The following PHIP variants were observed in gnomAD, a reference collection of about 807,000 sequenced individuals.
PHIP encodes the protein PH-interacting protein.
PHIP carries 54 observed loss-of-function variants against 236.8 expected under a neutral mutation model. That is an observed-to-expected ratio of 0.23 (90% CI 0.18 to 0.29). The LOEUF (loss-of-function observed/expected upper bound fraction) is 0.29, where lower values mean the gene tolerates loss of function less well. PHIP is among the 10% of genes least tolerant of loss of function. PHIP has a pLI of 1.00. For missense variants in PHIP, 1,370 were observed against 2,190.8 expected (o/e 0.63, Z 7.48); for synonymous variants, 756 against 718.9 (o/e 1.05, Z -0.83).
chr6:78,999,768 G>T (rs1364168254), intron 17 of PHIP, among the ~76,000 whole-genome samples: 1 of 151,852 alleles, frequency 6.6e-6, no homozygotes, highest in Non-Finnish European at 1.5e-5. Context: ...AAAGGAAAAA[G>T]AAATTACATG....
chr6:79,003,608 A>G (rs1023271498), intron 16 of PHIP, 122 bp downstream of exon 16: 41 of 643,576 alleles, frequency 6.4e-5, no homozygotes, highest in Non-Finnish European at 9.8e-5. Context: ...TACTTAACAC[A>G]AGATTCTTCG....
At chr6:78,945,813 T>C (rs1328135224) in intron 38 of PHIP, 188 bp downstream of exon 38, 3 of 614,204 alleles carry the variant, frequency 4.9e-6, no homozygotes, top group Non-Finnish European at 8.6e-6. Flanking sequence ...CATTAGTCTA[T>C]AATGACCTAA....
Position 79,003,868 on chromosome 6 carries a change from A to G in PHIP, c.1525-10T>C. 6.4e-7 allele frequency: 1 copy of G among 1,563,098 alleles called. No homozygotes were observed. Among genetic ancestry groups the G allele is most frequent in the Non-Finnish European group, 8.7e-7 (1 of 1,154,660 alleles). On this transcript the variant is annotated splice_polypyrimidine_tract_variant and intron_variant, in intron 15 of 39. Coordinates refer to ENST00000275034, the MANE Select transcript of PHIP (RefSeq NM_017934.7). ...GTCCTTGGCCTTCAATCTGAAATAT[A>G]TTTAACCAACAGTAAGAAAACTACC...
chr6:78,947,710 C>T lies in PHIP; in HGVS notation c.4119G>A (p.Gly1373=). Reference sequence around the variant, plus strand: ...ATAACTCCATTGGTGACTCATAATTCCCAGCCTCTAAAGTTTCTCTAACGG... The same window carrying T: ...ATAACTCCATTGGTGACTCATAATTTCCAGCCTCTAAAGTTTCTCTAACGG... ...FATVRETLEA[G]NYESPMELCK... The change falls in exon 36 of 40, where the codon GGG becomes GGA. Residue 1373 remains glycine, a synonymous_variant. Coordinates refer to ENST00000275034, the MANE Select transcript of PHIP (RefSeq NM_017934.7). The T allele has an allele frequency of 6.3e-7, 1 of 1,590,080 alleles. No homozygotes were observed.
intron 9 of PHIP, among the ~76,000 whole-genome samples, chr6:79,019,724 C>G (rs1036955025): frequency 1.3e-5 from 2 of 152,094 alleles, no homozygotes; most frequent in Non-Finnish European, 2.9e-5. Context: ...CTTACGTCAA[C>G]TACAATGAAT....
intron 4 of PHIP, among the ~76,000 whole-genome samples, chr6:79,066,162 G>A (rs1420366635): frequency 3.3e-5 from 5 of 151,918 alleles, no homozygotes; most frequent in Admixed American, 6.6e-5. Flanking sequence ...TCTGATATAC[G>A]AGTTACTTTC....
intron 6 of PHIP, among the ~76,000 whole-genome samples, chr6:79,054,110 C>A (rs1772942282): frequency 6.7e-6 from 1 of 148,236 alleles, no homozygotes. Context: ...AACATTATTT[C>A]CCTAAAAAAA....
chr6:79,045,120 C>T (rs1772413144), intron 6 of PHIP, among the ~76,000 whole-genome samples: 1 of 152,130 alleles, frequency 6.6e-6, no homozygotes, highest in African/African-American at 2.4e-5. Context: ...TATACTATGA[C>T]TATATTCTGA....
intron 4 of PHIP, among the ~76,000 whole-genome samples, chr6:79,066,891 T>C (rs1332682283): frequency 1.3e-5 from 2 of 152,010 alleles, no homozygotes; most frequent in African/African-American, 2.4e-5. Context: ...CCTGGTTTTG[T>C]TTTTGTTTGT....
chr6:79,069,526 T>A (rs1773787802), intron 4 of PHIP, among the ~76,000 whole-genome samples: 1 of 152,090 alleles, frequency 6.6e-6, no homozygotes, highest in Non-Finnish European at 1.5e-5. Context: ...GGCAGCAGTT[T>A]GTCTGAGGGC....
intron 4 of PHIP, 46 bp from the exon 5 acceptor site, chr6:79,060,864 A>C (rs1773334908): frequency 7.7e-7 from 1 of 1,302,032 alleles, no homozygotes; most frequent in Admixed American, 2.5e-5. Flanking sequence ...TTATCATTTT[A>C]ATTTTCAAAA....
intron 31 of PHIP, 147 bp from the exon 32 acceptor site, chr6:78,958,747 C>G (rs1766583445): frequency 1.6e-6 from 1 of 618,404 alleles, no homozygotes; most frequent in Non-Finnish European, 2.9e-6. Context: ...TTCAAAGCAG[C>G]ATAACTGCAT....
chr6:78,998,766 A>G (rs566591824), intron 17 of PHIP, among the ~76,000 whole-genome samples: 4 of 152,282 alleles, frequency 2.6e-5, no homozygotes, highest in Admixed American at 1.3e-4. Context: ...CACTTAGATC[A>G]TGGTTTCTTT....
At position 78,957,222 on chromosome 6, in the gene PHIP, T is replaced by C. The variant is rs1203391056; in HGVS notation, c.3782+1253A>G. The C allele has an allele frequency of 2.6e-5, 4 of 152,000 alleles. No homozygotes were observed. In the East Asian group the frequency reaches 7.7e-4, roughly 29 times the overall value. The allele number at this position is 152,000 out of a possible 1,614,324, so 9.4% of individuals were successfully genotyped here. On this transcript the variant is annotated intron_variant, in intron 32 of 39. Coordinates refer to ENST00000275034, the MANE Select transcript of PHIP (RefSeq NM_017934.7). ...ACAATTTTCATCTAAATTATTTCAC[T>C]GAAATATGAATATACTATCTCATGT...
intron 24 of PHIP, among the ~76,000 whole-genome samples, chr6:78,975,519 GC>G (rs1179215910): frequency 6.6e-6 from 1 of 152,140 alleles, no homozygotes; most frequent in East Asian, 1.9e-4. Flanking sequence ...GGAAGTTCTG[GC>G]CAGGGCAATT....
chr6:79,033,936 A>G (rs1771795084), intron 7 of PHIP, among the ~76,000 whole-genome samples: 1 of 152,154 alleles, frequency 6.6e-6, no homozygotes, highest in Non-Finnish European at 1.5e-5. Context: ...GGCAGGCCCA[A>G]GGAGAGAAAA....
At position 78,955,654 on chromosome 6, in the gene PHIP, G is replaced by C. The variant is rs373292877; in HGVS notation, c.3811C>G (p.Leu1271Val). The change falls in exon 33 of 40, where the codon CTT becomes GTT. Residue 1271 changes from leucine to valine, a missense_variant. By Grantham distance (32) the Leu-to-Val change is conservative (BLOSUM62 1). Transcript: ENST00000275034. ...KDQTCYNIIP[L>V]YNSMKKKVLS... is the part of the protein sequence containing the mutation. ...ACTTTCTTCTTCATTGAATTATAAA[G>C]TGGAATTATGTTATAACAAGTCTGA... 45 of 1,088,442 alleles carry C rather than the reference G, an allele frequency of 4.1e-5. No homozygotes were observed. The Middle Eastern group carries it at 1.8e-3, about 44-fold the overall frequency. The allele number at this position is 1,088,442 out of a possible 1,614,324, so 67.4% of individuals were successfully genotyped here. A position where few individuals can be genotyped will look rare whatever the true frequency, so the allele number is the denominator to read the frequency against.
At position 79,052,333 on chromosome 6, in the gene PHIP, T is replaced by C. The variant is rs116371090; in HGVS notation, c.439+8145A>G. Among the ~76,000 whole-genome samples the C allele has an allele frequency of 4.9e-3, 741 of 152,192 alleles. 7 individuals are homozygous for C. Among genetic ancestry groups the C allele is most frequent in the African/African-American group, 0.017 (716 of 41,498 alleles). ...CAATAGCCTGAGGCTGGAAAGAGCA[T>C]AGCATTCAAGCAACATGAAGAAGTC... On this transcript the variant is annotated intron_variant, in intron 6 of 39. Transcript: ENST00000275034.
intron 7 of PHIP, among the ~76,000 whole-genome samples, chr6:79,029,008 C>G (rs541426848): frequency 1.3e-5 from 2 of 152,176 alleles, no homozygotes; most frequent in South Asian, 4.1e-4. Context: ...TACTATATTC[C>G]TACTGGGTTT....
Sources: allele counts gnomAD v4.1 joint callset (sites outside exome capture counted in the v4.1 genomes callset), GRCh38; gene constraint gnomAD v4.1.1; transcripts MANE v1.5; gene names NCBI Gene and HGNC (gene_info 2026-07-23, HGNC 2026-07-21).